The following CNTNAP2 variants were observed in gnomAD, a reference collection of about 807,000 sequenced individuals.
The protein encoded by CNTNAP2 is contactin-associated protein-like 2.
Under a neutral mutation model 155.2 loss-of-function variants are expected in CNTNAP2, and 98 were observed. The ratio of observed to expected loss-of-function variants is 0.63; its 90% confidence interval spans 0.54 to 0.75. The LOEUF (loss-of-function observed/expected upper bound fraction) is 0.75. CNTNAP2 is among the 30% of genes least tolerant of loss of function. The pLI is 0.00. For missense variants in CNTNAP2, 1,727 were observed against 1,688.1 expected (o/e 1.02, Z -0.40); for synonymous variants, 651 against 631.2 (o/e 1.03, Z -0.47).
At chr7:148,122,926 G>T (rs1295475261) in intron 16 of CNTNAP2, among the ~76,000 whole-genome samples, 1 of 152,162 alleles carries the variant, frequency 6.6e-6, no homozygotes, top group Non-Finnish European at 1.5e-5. Flanking sequence ...ATACTCGTGA[G>T]GGTTAAGTGG....
intron 13 of CNTNAP2, among the ~76,000 whole-genome samples, chr7:147,859,186 G>A (rs1048405764): frequency 1.3e-5 from 2 of 152,030 alleles, no homozygotes; most frequent in South Asian, 4.1e-4. Context: ...ACATAGCTTC[G>A]TAACAATTAG....
At chr7:147,817,299 C>T (rs1235709748) in intron 13 of CNTNAP2, among the ~76,000 whole-genome samples, 3 of 152,028 alleles carry the variant, frequency 2.0e-5, no homozygotes. Context: ...TTTTTGAAAC[C>T]GTTAGAAAAA....
chr7:146,666,168 T>C (rs1800191494), intron 1 of CNTNAP2, among the ~76,000 whole-genome samples: 1 of 152,108 alleles, frequency 6.6e-6, no homozygotes, highest in Non-Finnish European at 1.5e-5. Context: ...CTTTCCAGCC[T>C]CTAGTGTCTT....
intron 15 of CNTNAP2, among the ~76,000 whole-genome samples, chr7:147,983,348 C>G (rs1191147460): frequency 6.6e-6 from 1 of 151,990 alleles, no homozygotes; most frequent in Non-Finnish European, 1.5e-5. Flanking sequence ...GGAAAAGGGA[C>G]TAGCATGCAG....
chr7:146,473,733 G>A lies in CNTNAP2; in HGVS notation c.98-300538G>A, dbSNP rs114435286. 3.1e-3 allele frequency among the ~76,000 whole-genome samples: 473 copies of A among 151,992 alleles called. 4 individuals carry two copies. Among genetic ancestry groups the A allele is most frequent in the African/African-American group, 0.011 (454 of 41,438 alleles). On this transcript the variant is annotated intron_variant, in intron 1 of 23. Transcript: ENST00000361727. ...TGTTTTTGTGATACAATTTATCTCC[G>A]AATACCTATTTTGTATGTTTTTCCC...
chr7:147,478,043 T>G (rs1798352167), intron 10 of CNTNAP2, among the ~76,000 whole-genome samples: 1 of 152,206 alleles, frequency 6.6e-6, no homozygotes, highest in Admixed American at 6.5e-5. Flanking sequence ...ACCAAATGTA[T>G]TATGTCATAA....
intron 8 of CNTNAP2, among the ~76,000 whole-genome samples, chr7:147,280,681 A>G (rs1310502942): frequency 6.6e-6 from 1 of 151,950 alleles, no homozygotes; most frequent in South Asian, 2.1e-4. Flanking sequence ...AAGAATTAGT[A>G]ACAATAACTG....
chr7:146,229,406 T>A (rs1242718457), intron 1 of CNTNAP2, among the ~76,000 whole-genome samples: 1 of 152,178 alleles, frequency 6.6e-6, no homozygotes, highest in Admixed American at 6.5e-5. Context: ...GGACACCCCA[T>A]GACCCAACTC....
chr7:146,939,825 C>G (rs1797008298), intron 3 of CNTNAP2, among the ~76,000 whole-genome samples: 1 of 152,114 alleles, frequency 6.6e-6, no homozygotes, highest in Admixed American at 6.5e-5. Context: ...CAAGGGAAAC[C>G]AAAATGCATT....
chr7:146,424,436 A>G (rs1372226202), intron 1 of CNTNAP2, among the ~76,000 whole-genome samples: 1 of 152,218 alleles, frequency 6.6e-6, no homozygotes, highest in Non-Finnish European at 1.5e-5. Context: ...TCCAGCAATG[A>G]GTTGTGACAA....
intron 3 of CNTNAP2, among the ~76,000 whole-genome samples, chr7:146,900,305 G>A (rs958124493): frequency 6.6e-6 from 1 of 152,046 alleles, no homozygotes; most frequent in South Asian, 2.1e-4. Flanking sequence ...TCATTTTTCT[G>A]TTTTAGTTTA....
At chr7:148,396,636 C>T (rs1158428668) in intron 22 of CNTNAP2, among the ~76,000 whole-genome samples, 1 of 152,146 alleles carries the variant, frequency 6.6e-6, no homozygotes, top group Non-Finnish European at 1.5e-5. Flanking sequence ...AACACATCAC[C>T]ACATGCTTTT....
chr7:146,694,890 A>T (rs1219402269), intron 1 of CNTNAP2, among the ~76,000 whole-genome samples: 1 of 152,086 alleles, frequency 6.6e-6, no homozygotes, highest in East Asian at 1.9e-4. Flanking sequence ...TTAAATTCTG[A>T]GTGTTCATTG....
intron 14 of CNTNAP2, among the ~76,000 whole-genome samples, chr7:147,915,491 C>A (rs1299790858): frequency 1.3e-5 from 2 of 152,084 alleles, no homozygotes; most frequent in Non-Finnish European, 2.9e-5. Context: ...AGTTATGACA[C>A]CAGTTGCTAA....
At chr7:146,163,515 ATC>A (rs1309297160) in intron 1 of CNTNAP2, among the ~76,000 whole-genome samples, 8 of 50,394 alleles carry the variant, frequency 1.6e-4, no homozygotes, top group Admixed American at 1.0e-3. Context: ...ATCTATATAT[ATC>A]TATATATATC....
intron 15 of CNTNAP2, among the ~76,000 whole-genome samples, chr7:148,045,968 A>G (rs1477152723): frequency 1.3e-5 from 2 of 152,252 alleles, no homozygotes; most frequent in Admixed American, 1.3e-4. Context: ...TATGTGTGAA[A>G]ACACATAAGT....
chr7:146,312,923 T>C (rs13229351), intron 1 of CNTNAP2, among the ~76,000 whole-genome samples: 35,725 of 152,108 alleles, frequency 0.23, 5,162 homozygotes, highest in Admixed American at 0.39. Flanking sequence ...TATTCCATAG[T>C]GTATATATAC....
At chr7:147,937,835 G>T (rs779374234) in intron 14 of CNTNAP2, among the ~76,000 whole-genome samples, 1 of 151,842 alleles carries the variant, frequency 6.6e-6, no homozygotes, top group Non-Finnish European at 1.5e-5. Context: ...CATATAATAA[G>T]AAGCATTTTG....
At chr7:146,556,578 G>T (rs1170555917) in intron 1 of CNTNAP2, among the ~76,000 whole-genome samples, 1 of 152,016 alleles carries the variant, frequency 6.6e-6, no homozygotes, top group African/African-American at 2.4e-5. Flanking sequence ...AGGAACAAAA[G>T]AAGAAAGACA....
Sources: allele counts gnomAD v4.1 joint callset (sites outside exome capture counted in the v4.1 genomes callset), GRCh38; gene constraint gnomAD v4.1.1; transcripts MANE v1.5; gene names NCBI Gene and HGNC (gene_info 2026-07-23, HGNC 2026-07-21).